ATP10B: variants seen among roughly 807,000 people sequenced by gnomAD.
ATP10B encodes the protein phospholipid-transporting ATPase VB.
A neutral mutation model predicts 141.2 loss-of-function variants in ATP10B; 122 were observed. That is an observed-to-expected ratio of 0.86 (90% CI 0.75 to 1.00). ATP10B has a LOEUF of 1.00. ATP10B is among the 50% of genes least tolerant of loss of function. ATP10B has a pLI of 0.00. For synonymous variants in ATP10B, 685 were observed against 692.0 expected, an observed-to-expected ratio of 0.99 and a Z score of 0.16; for missense variants, 1,876 against 1,825.3, an observed-to-expected ratio of 1.03 and a Z score of -0.51.
intron 24 of ATP10B, among the ~76,000 whole-genome samples, chr5:160,585,507 G>T (rs560369604): frequency 6.6e-6 from 1 of 152,188 alleles, no homozygotes; most frequent in African/African-American, 2.4e-5. Context: ...GGAGGCTGAG[G>T]CAGAAGAATC....
the ATP10B span, among the ~76,000 whole-genome samples, chr5:160,891,062 G>A: frequency 6.6e-6 from 1 of 152,190 alleles, no homozygotes; most frequent in African/African-American, 2.4e-5. Flanking sequence ...TCTTTTGCAT[G>A]TATACTAAGG....
intron 8 of ATP10B, among the ~76,000 whole-genome samples, chr5:160,648,092 T>C (rs1760423294): frequency 6.6e-6 from 1 of 152,212 alleles, no homozygotes; most frequent in African/African-American, 2.4e-5. Context: ...TTGTTCCTGC[T>C]GTGAGTTAGG....
chr5:160,688,977 GC>G (rs1170425820), intron 3 of ATP10B, 34 bp from the exon 4 acceptor site: 20 of 979,654 alleles, frequency 2.0e-5, no homozygotes, highest in Non-Finnish European at 2.4e-5. Flanking sequence ...CAGATGGTCT[GC>G]CCAGGTGGCA....
intron 3 of ATP10B, among the ~76,000 whole-genome samples, chr5:160,696,858 T>A (rs184138825): frequency 5.3e-5 from 8 of 152,346 alleles, no homozygotes; most frequent in Middle Eastern, 3.4e-3. Context: ...AATCTCATCA[T>A]AAATTTCTTA....
chr5:160,678,798 G>A (rs1763196940), intron 6 of ATP10B, among the ~76,000 whole-genome samples: 1 of 152,184 alleles, frequency 6.6e-6, no homozygotes. Flanking sequence ...TGAAATGGAG[G>A]CTCAAGTGAC....
chr5:160,832,429 C>T (rs889330432), intron 1 of ATP10B, among the ~76,000 whole-genome samples: 9 of 152,076 alleles, frequency 5.9e-5, no homozygotes, highest in Non-Finnish European at 1.3e-4. Flanking sequence ...ATGCCCTCAA[C>T]ACATTGTTGA....
chr5:160,787,121 CACA>C (rs1771215685), intron 1 of ATP10B, among the ~76,000 whole-genome samples: 1 of 123,716 alleles, frequency 8.1e-6, no homozygotes, highest in Non-Finnish European at 1.8e-5. Context: ...CACACACACA[CACA>C]CACACACACA....
intron 18 of ATP10B, among the ~76,000 whole-genome samples, chr5:160,610,861 T>C (rs567366887): frequency 7.2e-5 from 11 of 152,334 alleles, no homozygotes; most frequent in African/African-American, 2.4e-4. Flanking sequence ...AATTCTCTCA[T>C]CTTCCGGATG....
chr5:160,622,532 G>A lies in ATP10B; in HGVS notation c.1674C>T (p.Ala558=). 2 of 1,613,946 alleles carry A rather than the reference G, an allele frequency of 1.2e-6. No homozygotes were observed. The highest frequency in any genetic ancestry group is 1.7e-6 in the Non-Finnish European group (2 of 1,179,960). ...TGTCTGACAAGGTCTCCAACCACAGGGCAGCATCTCGAACCTTGGTCAGTA... is the reference window on the plus strand; with the variant it reads ...TGTCTGACAAGGTCTCCAACCACAGAGCAGCATCTCGAACCTTGGTCAGTA... ...KNLLTKVRDA[A]LWLETLSDSR... is the part of the protein sequence containing the mutation. Residue 558 remains alanine (A), a synonymous_variant, in exon 14 of 26, where the codon GCC becomes GCT. Transcript: ENST00000327245.
the ATP10B span, among the ~76,000 whole-genome samples, chr5:160,858,215 A>G: frequency 3.3e-5 from 5 of 151,892 alleles, no homozygotes; most frequent in Non-Finnish European, 7.4e-5. Flanking sequence ...TGACCATTAT[A>G]TAATGTCTCT....
rs371308289 is a variant in ATP10B, at chr5:160,725,903, GT to G, written c.-330-8870del. On this transcript the variant is annotated intron_variant, in intron 2 of 25. Transcript: ENST00000327245. ...CGAGGCCCTGAACCAAAATTTTTTT[GT>G]TTTTTTCTTTTTGATTATAATTCTG... Among the ~76,000 whole-genome samples the G allele has an allele frequency of 9.9e-5, 15 of 152,100 alleles. 1 individual carries two copies. The highest frequency in any genetic ancestry group is 3.4e-4 in the African/African-American group (14 of 41,490).
intron 7 of ATP10B, among the ~76,000 whole-genome samples, chr5:160,652,904 T>A (rs1561701635): frequency 2.8e-5 from 2 of 71,916 alleles, no homozygotes; most frequent in Non-Finnish European, 4.7e-5. Flanking sequence ...TAATATATTA[T>A]ATATACATGT....
rs890435592 is a variant in ATP10B, at chr5:160,809,877, G to A, written c.-575-24074C>T. On this transcript the variant is annotated intron_variant, in intron 1 of 25. Transcript: ENST00000327245. ...ATTCATTCTATTTTCTTTAATGGCT[G>A]TGATCTCTTATTGGATATCAGGCTT... Among the ~76,000 whole-genome samples, 4 of 152,266 alleles carry A rather than the reference G, an allele frequency of 2.6e-5. No individual in the cohort carries two copies. The East Asian group carries it at 7.7e-4, about 29-fold the overall frequency.
At chr5:160,653,945 A>T (rs1761262014) in intron 7 of ATP10B, among the ~76,000 whole-genome samples, 1 of 3,420 alleles carries the variant, frequency 2.9e-4, no homozygotes, top group African/African-American at 7.2e-4. Context: ...ACGTATATAC[A>T]TATATAAATA....
chr5:160,573,026 T>C (rs1353822817), intron 24 of ATP10B, among the ~76,000 whole-genome samples: 1 of 152,256 alleles, frequency 6.6e-6, no homozygotes, highest in Non-Finnish European at 1.5e-5. Context: ...TTTTGCTTTA[T>C]CATATATGTA....
chr5:160,746,783 T>C (rs753041809), intron 2 of ATP10B, among the ~76,000 whole-genome samples: 2 of 152,192 alleles, frequency 1.3e-5, no homozygotes, highest in Non-Finnish European at 2.9e-5. Flanking sequence ...GAATATTCAC[T>C]ACCATTTATT....
intron 22 of ATP10B, among the ~76,000 whole-genome samples, 153 bp from the exon 23 acceptor site, chr5:160,591,292 A>G (rs562072911): frequency 3.3e-4 from 50 of 151,886 alleles, no homozygotes; most frequent in African/African-American, 1.2e-3. Flanking sequence ...AGGAGTGTAG[A>G]CTTGGGGGTG....
At chr5:160,679,564 A>C (rs539674739) in intron 6 of ATP10B, among the ~76,000 whole-genome samples, 1 of 152,216 alleles carries the variant, frequency 6.6e-6, no homozygotes, top group Non-Finnish European at 1.5e-5. Flanking sequence ...GGGTCACCAC[A>C]TCCTCTGCAC....
At chr5:160,625,760 T>C (rs575632704) in intron 13 of ATP10B, among the ~76,000 whole-genome samples, 31 of 152,364 alleles carry the variant, frequency 2.0e-4, no homozygotes, top group Admixed American at 1.8e-3. Context: ...GCAGAGACTG[T>C]CTCTGATGTG....
Sources: gnomAD v4.1 joint callset for allele counts (sites outside exome capture counted in the v4.1 genomes callset) on GRCh38, gnomAD v4.1.1 for gene constraint, MANE v1.5 for transcripts, NCBI Gene and HGNC (gene_info 2026-07-23, HGNC 2026-07-21) for gene names.